The following PPFIA2 variants were observed in gnomAD, a reference collection of about 807,000 sequenced individuals.
The protein encoded by PPFIA2 is PPFI scaffold protein A2.
A neutral mutation model predicts 175.5 loss-of-function variants in PPFIA2; 46 were observed. That is an observed-to-expected ratio of 0.26 (90% CI 0.21 to 0.34). The LOEUF (loss-of-function observed/expected upper bound fraction) is 0.34, where lower values mean the gene tolerates loss of function less well. PPFIA2 is among the 10% of genes least tolerant of loss of function. The probability of loss-of-function intolerance (pLI) is 1.00; values close to 1 mark genes in which losing one functional copy is unlikely to be tolerated. For synonymous variants in PPFIA2, 568 were observed against 511.4 expected, an observed-to-expected ratio of 1.11 and a Z score of -1.49; for missense variants, 1,179 against 1,506.1, an observed-to-expected ratio of 0.78 and a Z score of 3.60.
Position 81,420,955 on chromosome 12 carries a change from A to G in PPFIA2, c.646-15052T>C, listed in dbSNP as rs1280624711. Among the ~76,000 whole-genome samples, 3 of 152,118 alleles carry G rather than the reference A, an allele frequency of 2.0e-5. No homozygotes were observed. In the East Asian group the frequency reaches 5.8e-4, roughly 29 times the overall value. On this transcript the variant is annotated intron_variant, in intron 7 of 32. Transcript: ENST00000549396. Reference sequence around the variant, plus strand: ...TCATTATGTGAAAGAGAATCCCTGTAAGACTATTAGTAGATTTCTCAGCAG... The same window carrying G: ...TCATTATGTGAAAGAGAATCCCTGTGAGACTATTAGTAGATTTCTCAGCAG...
Position 81,258,701 on chromosome 12 carries a change from G to C in PPFIA2, c.*993C>G, listed in dbSNP as rs1441000364. ...AACATTAGACATGAGTCTGGCTAAT[G>C]CCCTGTTACATTGACAAAAGGGAAA... is the stretch of plus-strand genomic sequence containing the variant. On this transcript the variant is annotated 3_prime_UTR_variant, in exon 33 of 33. Transcript: ENST00000549396. 1 of 152,034 alleles carries C rather than the reference G, an allele frequency of 6.6e-6. No individual in the cohort carries two copies. Among genetic ancestry groups the C allele is most frequent in the Non-Finnish European group, 1.5e-5 (1 of 68,020 alleles). 9.4% of individuals were successfully genotyped at this position (152,034 alleles called of 1,614,324 possible). A position where few individuals can be genotyped will look rare whatever the true frequency, so the allele number is the denominator to read the frequency against.
At chr12:81,354,553 C>A (rs977832769) in intron 16 of PPFIA2, among the ~76,000 whole-genome samples, 1 of 152,144 alleles carries the variant, frequency 6.6e-6, no homozygotes, top group Non-Finnish European at 1.5e-5. Context: ...GTTATTTTCA[C>A]CACATTTGCA....
intron 3 of PPFIA2, among the ~76,000 whole-genome samples, chr12:81,737,564 C>T (rs2081770880): frequency 6.6e-6 from 1 of 151,684 alleles, no homozygotes; most frequent in African/African-American, 2.4e-5. Context: ...TATAACTTGA[C>T]AAAAATGAAT....
intron 4 of PPFIA2, among the ~76,000 whole-genome samples, chr12:81,637,106 G>A (rs979857352): frequency 3.4e-5 from 5 of 148,636 alleles, no homozygotes; most frequent in African/African-American, 1.0e-4. Context: ...TTTCACTCTT[G>A]TTGCCCAGGC....
At chr12:81,626,871 T>A (rs1479793159) in intron 4 of PPFIA2, among the ~76,000 whole-genome samples, 1 of 152,088 alleles carries the variant, frequency 6.6e-6, no homozygotes, top group Non-Finnish European at 1.5e-5. Context: ...TAAAATTTAA[T>A]CATTTTATAC....
At chr12:81,296,033 C>T (rs1594162184) in intron 23 of PPFIA2, among the ~76,000 whole-genome samples, 3 of 151,746 alleles carry the variant, frequency 2.0e-5, no homozygotes, top group East Asian at 2.0e-4. Flanking sequence ...AGGCCAGGCG[C>T]GGTGGCTCAC....
At chr12:81,388,826 C>T (rs188476866) in intron 8 of PPFIA2, among the ~76,000 whole-genome samples, 1 of 151,936 alleles carries the variant, frequency 6.6e-6, no homozygotes, top group African/African-American at 2.4e-5. Flanking sequence ...AACTTTTATT[C>T]CCAGTTCAGT....
chr12:81,607,174 T>C (rs764190918), intron 4 of PPFIA2, among the ~76,000 whole-genome samples: 84 of 152,098 alleles, frequency 5.5e-4, no homozygotes, highest in Non-Finnish European at 9.0e-4. Context: ...GGTTTATGTG[T>C]CCCTGTACCA....
At chr12:81,273,884 C>CT (rs922814653) in intron 28 of PPFIA2, among the ~76,000 whole-genome samples, 24 of 136,402 alleles carry the variant, frequency 1.8e-4, no homozygotes, top group Admixed American at 1.0e-3. Context: ...TTTCTCCCCG[C>CT]CCCCCCCCAA....
intron 22 of PPFIA2, among the ~76,000 whole-genome samples, chr12:81,324,170 T>G (rs895718028): frequency 6.6e-6 from 1 of 152,062 alleles, no homozygotes; most frequent in Non-Finnish European, 1.5e-5. Context: ...TTTTTCTGAC[T>G]GTGAGGGTAC....
chr12:81,524,666 T>C (rs1435914704), intron 4 of PPFIA2, among the ~76,000 whole-genome samples: 16 of 152,248 alleles, frequency 1.1e-4, no homozygotes, highest in Admixed American at 1.0e-3. Flanking sequence ...ATGTGAACTT[T>C]AGACTTCTAA....
chr12:81,618,211 A>G (rs946721566), intron 4 of PPFIA2, among the ~76,000 whole-genome samples: 1 of 151,412 alleles, frequency 6.6e-6, no homozygotes, highest in African/African-American at 2.4e-5. Context: ...TACTTTCTTA[A>G]TCAGCTTTAT....
At chr12:81,543,481 C>T (rs1051933689) in intron 4 of PPFIA2, among the ~76,000 whole-genome samples, 1 of 152,012 alleles carries the variant, frequency 6.6e-6, no homozygotes, top group Admixed American at 6.6e-5. Context: ...AATCCATAAT[C>T]ACATAAATAA....
rs1184392048 is a variant in PPFIA2 at position 81,295,044 on chromosome 12, T to C, written c.2725-9A>G. 10 of 1,609,378 alleles carry C rather than the reference T, an allele frequency of 6.2e-6. No homozygotes were observed. Among genetic ancestry groups the C allele is most frequent in the African/African-American group, 1.4e-5 (1 of 74,050 alleles). On this transcript the variant is annotated splice_polypyrimidine_tract_variant and intron_variant, in intron 23 of 32. Transcript: ENST00000549396. Reference sequence around the variant, plus strand: ...GGCATTCCCAACCAAAGCTGTTAGATAGGAAAAAATACACTAACAAATTAT... The same window carrying C: ...GGCATTCCCAACCAAAGCTGTTAGACAGGAAAAAATACACTAACAAATTAT...
In PPFIA2 at chr12:81,457,925, T is replaced by G. The variant is rs916168623; in HGVS notation, c.304-59A>C. 7 of 1,170,396 alleles carry G rather than the reference T, an allele frequency of 6.0e-6. No homozygotes were observed. The African/African-American group carries it at 9.4e-5, about 16-fold the overall frequency. The allele number at this position is 1,170,396 out of a possible 1,614,324, so 72.5% of individuals were successfully genotyped here. On this transcript the variant is annotated intron_variant, in intron 4 of 32. Transcript: ENST00000549396. ...TCAAGATCTAAAAGCAGAAAAAAAT[T>G]CAAAATATAAATTTCAAAATGAAAA...
intron 24 of PPFIA2, among the ~76,000 whole-genome samples, chr12:81,291,337 G>A (rs146679561): frequency 2.1e-3 from 317 of 151,902 alleles, no homozygotes; most frequent in African/African-American, 7.2e-3. Flanking sequence ...AGCTTGTAGT[G>A]ATTTCTCCTT....
At chr12:81,651,864 G>C (rs1025733502) in intron 4 of PPFIA2, among the ~76,000 whole-genome samples, 2 of 151,860 alleles carry the variant, frequency 1.3e-5, no homozygotes, top group Non-Finnish European at 2.9e-5. Context: ...CTTTCCTTTG[G>C]TATTATTGGC....
chr12:81,520,146 T>C (rs1039322448), intron 4 of PPFIA2, among the ~76,000 whole-genome samples: 2 of 152,176 alleles, frequency 1.3e-5, no homozygotes, highest in Non-Finnish European at 1.5e-5. Flanking sequence ...TCTGACAATA[T>C]GTCAGAAGAA....
At chr12:81,502,752 C>T (rs911968374) in intron 4 of PPFIA2, among the ~76,000 whole-genome samples, 4 of 152,150 alleles carry the variant, frequency 2.6e-5, no homozygotes, top group Non-Finnish European at 5.9e-5. Context: ...GTTAATACCA[C>T]TGCTACATTA....
Sources: gnomAD v4.1 joint callset for allele counts (sites outside exome capture counted in the v4.1 genomes callset) on GRCh38, gnomAD v4.1.1 for gene constraint, MANE v1.5 for transcripts, NCBI Gene and HGNC (gene_info 2026-07-23, HGNC 2026-07-21) for gene names.